Variants in LBH observed in about 807,000 individuals in gnomAD.
LBH encodes LBH regulator of Wnt signaling pathway, also known as protein LBH.
A neutral mutation model predicts 12.5 loss-of-function variants in LBH; 7 were observed. The ratio of observed to expected loss-of-function variants is 0.56; its 90% CI spans 0.32 to 1.05. The LOEUF (loss-of-function observed/expected upper bound fraction) is 1.05, where lower values mean the gene tolerates loss of function less well. Ranked by LOEUF, LBH falls within the 50% of genes least tolerant of loss-of-function variation. LBH has a pLI of 0.04. For missense variants in LBH, 119 were observed against 138.9 expected (o/e 0.86, Z 0.72); for synonymous variants, 51 against 50.1 (o/e 1.02, Z -0.08).
chr2:30,240,430 A>G (rs1448293826), intron 2 of LBH, among the ~76,000 whole-genome samples: 2 of 152,208 alleles, frequency 1.3e-5, no homozygotes, highest in Admixed American at 6.5e-5. Flanking sequence ...GTCCTGAAGT[A>G]GTCCTCAGAG....
At chr2:30,246,156 G>T (rs2103560119) in intron 2 of LBH, among the ~76,000 whole-genome samples, 1 of 151,468 alleles carries the variant, frequency 6.6e-6, no homozygotes, top group East Asian at 1.9e-4. Flanking sequence ...ATGAGGTTTT[G>T]CCATGTTGGC....
intron 2 of LBH, among the ~76,000 whole-genome samples, chr2:30,242,802 A>G (rs963939878): frequency 1.3e-5 from 2 of 152,170 alleles, no homozygotes; most frequent in Admixed American, 1.3e-4. Context: ...AATGCTGAAT[A>G]TTTAGGTTGT....
intron 2 of LBH, among the ~76,000 whole-genome samples, chr2:30,241,280 A>G (rs948649122): frequency 1.3e-5 from 2 of 152,194 alleles, no homozygotes; most frequent in Admixed American, 1.3e-4. Context: ...ATGGGGGTTA[A>G]TAAGTGGTTG....
intron 1 of LBH, 53 bp from the exon 2 acceptor site, chr2:30,234,352 A>T (rs768748688): frequency 1.5e-4 from 207 of 1,338,604 alleles, no homozygotes; most frequent in Non-Finnish European, 2.1e-4. Context: ...ATGAAGAGTT[A>T]GGAATGTGAA....
At chr2:30,234,861 G>C (rs773685299) in intron 2 of LBH, among the ~76,000 whole-genome samples, 1 of 152,122 alleles carries the variant, frequency 6.6e-6, no homozygotes. Flanking sequence ...TTGTTTAGTC[G>C]ATTGAGACCA....
At chr2:30,241,460 C>CTTTTTTTTTTTTTTTTTTTTT (rs777223190) in intron 2 of LBH, among the ~76,000 whole-genome samples, 1 of 132,624 alleles carries the variant, frequency 7.5e-6, no homozygotes, top group Non-Finnish European at 1.6e-5. Context: ...TTCTTTCTTT[C>CTTTTTTTTTTTTTTTTTTTTT]TTTTTTTTTT....
At chr2:30,244,631 G>A (rs114319910) in intron 2 of LBH, among the ~76,000 whole-genome samples, 3,847 of 152,186 alleles carry the variant, frequency 0.025, 64 homozygotes, top group Middle Eastern at 0.075. Flanking sequence ...GGCTGGACGC[G>A]TGGCTCACAC....
chr2:30,252,448 G>T (rs901710082), intron 2 of LBH, among the ~76,000 whole-genome samples: 11 of 152,144 alleles, frequency 7.2e-5, no homozygotes, highest in African/African-American at 2.7e-4. Context: ...GGATCATGAG[G>T]TCAGGAGATT....
chr2:30,247,368 G>A (rs1342295064), intron 2 of LBH, among the ~76,000 whole-genome samples: 1 of 152,154 alleles, frequency 6.6e-6, no homozygotes, highest in Admixed American at 6.5e-5. Flanking sequence ...CTGATCTCAA[G>A]CATTAGGAAG....
At chr2:30,241,498 T>C (rs1677789957) in intron 2 of LBH, among the ~76,000 whole-genome samples, 1 of 150,930 alleles carries the variant, frequency 6.6e-6, no homozygotes, top group Non-Finnish European at 1.5e-5. Flanking sequence ...TTGCTCTTGT[T>C]GCCCAGGCTG....
chr2:30,254,604 C>T (rs1239732627), intron 2 of LBH, among the ~76,000 whole-genome samples: 6 of 150,172 alleles, frequency 4.0e-5, no homozygotes, highest in Admixed American at 1.3e-4. Flanking sequence ...CTCCTCTCTT[C>T]CTCCTCCTCC....
intron 2 of LBH, among the ~76,000 whole-genome samples, chr2:30,235,094 A>T (rs761973166): frequency 6.6e-6 from 1 of 152,140 alleles, no homozygotes; most frequent in Non-Finnish European, 1.5e-5. Flanking sequence ...TCTTGCTTGG[A>T]GATCATCCTG....
rs768194998 is a variant in LBH at position 30,231,777 on chromosome 2, C to T, written c.26+13C>T. On this transcript the variant is annotated intron_variant, in intron 1 of 2. Coordinates refer to ENST00000395323, the MANE Select transcript of LBH (RefSeq NM_030915.4). ...TCCCCATTCACTGGTGAGTACCCTG[C>T]GCCTGCGGCGGGCGTCTGTCTCGCG... The T allele has an allele frequency of 2.9e-5, 45 of 1,556,590 alleles. No individual in the cohort carries two copies. Among genetic ancestry groups the T allele is most frequent in the Non-Finnish European group, 3.9e-5 (45 of 1,153,668 alleles).
At chr2:30,245,335 T>A (rs1308742680) in intron 2 of LBH, among the ~76,000 whole-genome samples, 1 of 152,256 alleles carries the variant, frequency 6.6e-6, no homozygotes, top group Non-Finnish European at 1.5e-5. Flanking sequence ...TATTTTATTT[T>A]AAAATGTCAA....
At chr2:30,239,397 C>T (rs1410717484) in intron 2 of LBH, among the ~76,000 whole-genome samples, 1 of 152,204 alleles carries the variant, frequency 6.6e-6, no homozygotes, top group African/African-American at 2.4e-5. Context: ...TATCCGCCTC[C>T]TCCTCATTAC....
chr2:30,237,795 G>A (rs1254812263), intron 2 of LBH, among the ~76,000 whole-genome samples: 1 of 152,216 alleles, frequency 6.6e-6, no homozygotes, highest in Non-Finnish European at 1.5e-5. Flanking sequence ...TTCAGTAAGG[G>A]AAATCCACGT....
At chr2:30,231,889 C>A (rs1572374040) in intron 1 of LBH, 125 bp downstream of exon 1, 6 of 775,022 alleles carry the variant, frequency 7.7e-6, no homozygotes, top group African/African-American at 2.1e-5. Flanking sequence ...GCTAACCCGC[C>A]GCCCGAGCCC....
intron 2 of LBH, among the ~76,000 whole-genome samples, chr2:30,250,749 C>G (rs1360233326): frequency 2.6e-5 from 4 of 151,938 alleles, no homozygotes; most frequent in African/African-American, 7.3e-5. Context: ...TATGCCTAAG[C>G]AAGAAGCCTG....
intron 1 of LBH, chr2:30,232,238 G>T: frequency 2.5e-6 from 2 of 812,122 alleles, no homozygotes; most frequent in South Asian, 1.5e-5. Context: ...AGCTCCGGGG[G>T]GGTGGGGGGC....
Sources: allele counts gnomAD v4.1 joint callset (sites outside exome capture counted in the v4.1 genomes callset), GRCh38; gene constraint gnomAD v4.1.1; transcripts MANE v1.5; gene names NCBI Gene and HGNC (gene_info 2026-07-23, HGNC 2026-07-21).